The following HECW1 variants were observed in gnomAD, a reference collection of about 807,000 sequenced individuals.
HECW1 encodes E3 ubiquitin-protein ligase HECW1.
HECW1 carries 61 observed loss-of-function variants against 182.3 expected under a neutral mutation model. The ratio of observed to expected loss-of-function variants is 0.33; its 90% CI spans 0.27 to 0.41. The LOEUF (loss-of-function observed/expected upper bound fraction) is 0.41, where lower values mean the gene tolerates loss of function less well. Ranked by LOEUF, HECW1 falls within the 10% of genes least tolerant of loss-of-function variation. The pLI, the probability that HECW1 is intolerant of heterozygous loss-of-function variation, is 1.00. For synonymous variants in HECW1, 859 were observed against 832.6 expected (o/e 1.03, Z -0.55); for missense variants, 1,739 against 2,108.9 (o/e 0.82, Z 3.44).
intron 11 of HECW1, among the ~76,000 whole-genome samples, 168 bp downstream of exon 11, chr7:43,445,738 A>AT (rs1236873274): frequency 6.6e-6 from 1 of 152,226 alleles, no homozygotes; most frequent in Admixed American, 6.5e-5. Context: ...GTGTATGAGC[A>AT]TAGATGACTG....
chr7:43,496,179 A>G (rs571094662), intron 19 of HECW1, among the ~76,000 whole-genome samples: 28 of 151,236 alleles, frequency 1.9e-4, no homozygotes, highest in African/African-American at 6.8e-4. Context: ...GGAATTGGAA[A>G]AAAAACTTGG....
Position 43,429,289 on chromosome 7 carries a change from CATATAT to C in HECW1, c.802-8672_802-8667del, listed in dbSNP as rs57627873. Among the ~76,000 whole-genome samples, 533 of 106,546 alleles carry C rather than the reference CATATAT, an allele frequency of 5.0e-3. 2 individuals carry two copies. Among genetic ancestry groups the C allele is most frequent in the African/African-American group, 9.5e-3 (261 of 27,608 alleles). The allele number at this position is 106,546 out of a possible 152,430, so 69.9% of individuals were successfully genotyped here. A position where few individuals can be genotyped will look rare whatever the true frequency, so the allele number is the denominator to read the frequency against. On this transcript the variant is annotated intron_variant, in intron 8 of 29. Coordinates refer to ENST00000395891, the MANE Select transcript of HECW1 (RefSeq NM_015052.5). ...ATATAAACTTTCCATATATTATATG[CATATAT>C]ATATATATATATATATATATATATA...
At chr7:43,266,473 T>C (rs1801814937) in intron 3 of HECW1, among the ~76,000 whole-genome samples, 1 of 152,168 alleles carries the variant, frequency 6.6e-6, no homozygotes. Flanking sequence ...TAGCTGGGCT[T>C]ACAGGCATCT....
At chr7:43,492,317 T>C in intron 18 of HECW1, 137 bp downstream of exon 18, 1 of 636,012 alleles carries the variant, frequency 1.6e-6, no homozygotes, top group Non-Finnish European at 2.7e-6. Context: ...TCTTTTAGGA[T>C]ATAGTGCACA....
intron 13 of HECW1, 56 bp downstream of exon 13, chr7:43,456,503 G>A (rs1372719857): frequency 3.1e-5 from 47 of 1,526,976 alleles, no homozygotes; most frequent in Non-Finnish European, 4.0e-5. Context: ...GAGAATGGCA[G>A]CTAGAGACGC....
chr7:43,397,396 A>T (rs2075266349), intron 7 of HECW1, among the ~76,000 whole-genome samples: 1 of 152,232 alleles, frequency 6.6e-6, no homozygotes, highest in East Asian at 1.9e-4. Context: ...TCATGAATGT[A>T]CCATGGTTCC....
chr7:43,364,199 G>A (rs1816323913), intron 6 of HECW1, among the ~76,000 whole-genome samples: 1 of 152,194 alleles, frequency 6.6e-6, no homozygotes, highest in African/African-American at 2.4e-5. Flanking sequence ...CTCCTTTGGT[G>A]TAATCAGCGC....
chr7:43,401,565 AG>A (rs1009871514), intron 7 of HECW1, among the ~76,000 whole-genome samples: 3 of 90,208 alleles, frequency 3.3e-5, no homozygotes, highest in African/African-American at 8.9e-5. Context: ...TCATTTAAAA[AG>A]GTTTTTTTTT....
At chr7:43,471,573 C>T (rs2078026564) in intron 16 of HECW1, among the ~76,000 whole-genome samples, 1 of 152,144 alleles carries the variant, frequency 6.6e-6, no homozygotes, top group Admixed American at 6.5e-5. Context: ...TTCAGGAGGA[C>T]CGGGGCAAAG....
Position 43,444,993 on chromosome 7 carries a change from C to T in HECW1, c.1821C>T (p.Ala607=), listed in dbSNP as rs1178377241. The T allele has an allele frequency of 6.4e-7, 1 of 1,555,600 alleles. No individual in the cohort carries two copies. Residue 607 remains alanine (A), a synonymous_variant, in exon 11 of 30, where the codon GCC becomes GCT. Coordinates refer to ENST00000395891, the MANE Select transcript of HECW1 (RefSeq NM_015052.5). This position sits in a 1 kb window ranked among gnomAD's most constrained non-coding sequence, Gnocchi z 4.3. Reference sequence around the variant, plus strand: ...GGCTCAGCGAGGTGGACACGGTGGCCGCTGACCCGTCTGCCCTGGAAGAGG... The same window carrying T: ...GGCTCAGCGAGGTGGACACGGTGGCTGCTGACCCGTCTGCCCTGGAAGAGG... ...KDGLSEVDTV[A]ADPSALEEDR...
Position 43,178,978 on chromosome 7 carries a change from G to C in HECW1, c.-32+64587G>C, listed in dbSNP as rs985252125. 2.0e-5 allele frequency among the ~76,000 whole-genome samples: 3 copies of C among 152,276 alleles called. No individual in the cohort carries two copies. The East Asian group carries it at 5.8e-4, about 29-fold the overall frequency. On this transcript the variant is annotated intron_variant, in intron 2 of 29. Transcript: ENST00000395891. ...ACCTGATTCATATTCACCAAGCACT[G>C]AAAATAATATTGTCTAGAGAAAAAA...
intron 3 of HECW1, among the ~76,000 whole-genome samples, chr7:43,271,354 C>G (rs1802388049): frequency 6.6e-6 from 1 of 152,066 alleles, no homozygotes; most frequent in African/African-American, 2.4e-5. Flanking sequence ...GAAGTGCTAG[C>G]CAAAGCAGTT....
At chr7:43,248,110 C>G (rs66542816) in intron 3 of HECW1, among the ~76,000 whole-genome samples, 1 of 151,096 alleles carries the variant, frequency 6.6e-6, no homozygotes, top group African/African-American at 2.4e-5. Flanking sequence ...AAGAGAAAGA[C>G]AAAGGAGAGG....
rs749890924 is a variant in HECW1, at chr7:43,189,046, C to T, written c.-31-54829C>T. On this transcript the variant is annotated intron_variant, in intron 2 of 29. Coordinates refer to ENST00000395891, the MANE Select transcript of HECW1 (RefSeq NM_015052.5). The stretch of plus-strand genomic sequence containing the variant: ...GCACTCGGCTAATCTTACACTCGTT[C>T]GCTTCCTTTCTCACGGTTGAGTTGA... 5.3e-5 allele frequency among the ~76,000 whole-genome samples: 8 copies of T among 152,248 alleles called. No homozygotes were observed. The South Asian group carries it at 1.7e-3, about 32-fold the overall frequency.
At chr7:43,304,682 C>T (rs939059567) in intron 3 of HECW1, among the ~76,000 whole-genome samples, 2 of 151,952 alleles carry the variant, frequency 1.3e-5, no homozygotes, top group Non-Finnish European at 2.9e-5. Flanking sequence ...TTAGTAGAGA[C>T]GGGGTTTCAC....
chr7:43,445,482 A>C lies in HECW1; in HGVS notation c.2310A>C (p.Gln770His). Residue 770 changes from glutamine to histidine, a missense_variant, in exon 11 of 30, where the codon CAA becomes CAC. Physicochemically the swap from Gln to His is conservative, Grantham distance 24 (BLOSUM62 0). Transcript: ENST00000395891. ...PESTNGAGPW[Q>H]DELAAPSGHV... is the part of the protein sequence containing the mutation. ...CCACGAACGGCGCTGGGCCGTGGCAAGACGAGCTGGCCGCCCCTAGCGGGC... is the reference window on the plus strand; with the variant it reads ...CCACGAACGGCGCTGGGCCGTGGCACGACGAGCTGGCCGCCCCTAGCGGGC... 1 of 1,612,230 alleles carries C rather than the reference A, an allele frequency of 6.2e-7. No individual in the cohort carries two copies.
At chr7:43,177,509 C>G (rs1041246964) in intron 2 of HECW1, among the ~76,000 whole-genome samples, 5 of 152,180 alleles carry the variant, frequency 3.3e-5, no homozygotes, top group Admixed American at 3.3e-4. Flanking sequence ...TGTCTTCCAG[C>G]CAGGGTTTGA....
intron 2 of HECW1, among the ~76,000 whole-genome samples, chr7:43,228,877 C>CA (rs2152707689): frequency 6.6e-6 from 1 of 152,208 alleles, no homozygotes; most frequent in East Asian, 1.9e-4. Context: ...ATTGCGTATA[C>CA]AATATGTCTT....
chr7:43,159,308 T>C (rs565439663), intron 2 of HECW1, among the ~76,000 whole-genome samples: 1 of 151,990 alleles, frequency 6.6e-6, no homozygotes, highest in Admixed American at 6.6e-5. Flanking sequence ...ACCTTAGGTA[T>C]TTCTCCTAAT....
Sources: gnomAD v4.1 joint callset for allele counts (sites outside exome capture counted in the v4.1 genomes callset) on GRCh38, gnomAD v4.1.1 for gene constraint, Gnocchi (gnomAD v3.1) non-coding constraint, MANE v1.5 for transcripts, NCBI Gene and HGNC (gene_info 2026-07-23, HGNC 2026-07-21) for gene names.